Variants in PHACTR1 observed in about 807,000 individuals in gnomAD.
The protein encoded by PHACTR1 is RPEL repeat containing 1.
Under a neutral mutation model 69.2 loss-of-function variants are expected in PHACTR1, and 16 were observed. That is an observed-to-expected ratio of 0.23 (90% CI 0.16 to 0.35). The LOEUF (loss-of-function observed/expected upper bound fraction) is 0.35, where lower values mean the gene tolerates loss of function less well. PHACTR1 is among the 10% of genes least tolerant of loss of function. PHACTR1 has a pLI of 1.00. For synonymous variants in PHACTR1, 312 were observed against 284.5 expected (o/e 1.10, Z -0.97); for missense variants, 510 against 734.7 (o/e 0.69, Z 3.54).
chr6:12,929,505 C>T (rs190724747), intron 4 of PHACTR1, among the ~76,000 whole-genome samples: 310 of 152,310 alleles, frequency 2.0e-3, no homozygotes, highest in Non-Finnish European at 2.5e-3. Flanking sequence ...ATGTTATCCT[C>T]AGATGATGCA....
chr6:13,201,163 G>A (rs6906831), intron 7 of PHACTR1, among the ~76,000 whole-genome samples: 4,313 of 152,188 alleles, frequency 0.028, 213 homozygotes, highest in African/African-American at 0.097. Flanking sequence ...TAGCTGGGAA[G>A]ACAGGGCTGA....
intron 4 of PHACTR1, among the ~76,000 whole-genome samples, chr6:12,916,518 T>C (rs1787020773): frequency 1.3e-5 from 2 of 151,272 alleles, no homozygotes; most frequent in Non-Finnish European, 2.9e-5. Context: ...TGTCAGTGTT[T>C]ATACACTAGA....
intron 4 of PHACTR1, among the ~76,000 whole-genome samples, chr6:12,761,972 C>G (rs1768074317): frequency 6.6e-6 from 1 of 152,216 alleles, no homozygotes; most frequent in Admixed American, 6.5e-5. Context: ...CGCCACGCTG[C>G]CTTCCAGCAA....
At chr6:13,112,586 T>A (rs1817209595) in intron 5 of PHACTR1, among the ~76,000 whole-genome samples, 1 of 152,220 alleles carries the variant, frequency 6.6e-6, no homozygotes, top group Admixed American at 6.5e-5. Context: ...TGGTGTCAGA[T>A]GGTATCTCAT....
At chr6:12,768,013 T>G (rs1561863879) in intron 4 of PHACTR1, among the ~76,000 whole-genome samples, 1 of 151,960 alleles carries the variant, frequency 6.6e-6, no homozygotes, top group African/African-American at 2.4e-5. Context: ...GTTTGTCAAC[T>G]GGGAATTAGA....
rs1384890941 is a variant in PHACTR1, at chr6:12,770,920, GGA to G, written c.250+21136_250+21137del. 2.0e-5 allele frequency among the ~76,000 whole-genome samples: 3 copies of G among 152,330 alleles called. No homozygotes were observed. The South Asian group carries it at 6.2e-4, about 32-fold the overall frequency. On this transcript the variant is annotated intron_variant, in intron 4 of 14. Coordinates refer to ENST00000332995, the MANE Select transcript of PHACTR1 (RefSeq NM_030948.6). Reference sequence around the variant, plus strand: ...GAGCAGTTTCTCCCGGAAAGGCAGAGGAGAGAGTGTGTGTAAAGGCATGAGTG... The same window carrying G: ...GAGCAGTTTCTCCCGGAAAGGCAGAGGAGAGTGTGTGTAAAGGCATGAGTG...
intron 4 of PHACTR1, among the ~76,000 whole-genome samples, chr6:12,926,771 T>C (rs1458692182): frequency 6.6e-6 from 1 of 152,246 alleles, no homozygotes; most frequent in Non-Finnish European, 1.5e-5. Flanking sequence ...CTTACAAATA[T>C]CTAGCAGAGG....
chr6:12,871,616 T>C (rs1782035110), intron 4 of PHACTR1, among the ~76,000 whole-genome samples: 1 of 152,132 alleles, frequency 6.6e-6, no homozygotes, highest in Admixed American at 6.6e-5. Context: ...TCAGGTTCAG[T>C]TCTTTGCCAA....
At chr6:13,133,885 G>A (rs1821013739) in intron 5 of PHACTR1, among the ~76,000 whole-genome samples, 1 of 151,626 alleles carries the variant, frequency 6.6e-6, no homozygotes, top group Non-Finnish European at 1.5e-5. Flanking sequence ...CGTCTAGGAA[G>A]TGAGGAGTGT....
chr6:12,892,392 TC>T (rs1784248072), intron 4 of PHACTR1, among the ~76,000 whole-genome samples: 1 of 152,174 alleles, frequency 6.6e-6, no homozygotes, highest in African/African-American at 2.4e-5. Context: ...GGATAGTGGC[TC>T]TTCAGACCTG....
At chr6:13,114,745 G>A (rs1206353868) in intron 5 of PHACTR1, among the ~76,000 whole-genome samples, 1 of 152,132 alleles carries the variant, frequency 6.6e-6, no homozygotes, top group East Asian at 1.9e-4. Flanking sequence ...CAGCTCAACA[G>A]CATACACTAC....
rs116189771 is a variant in PHACTR1 at position 12,760,474 on chromosome 6, A to G, written c.250+10684A>G. On this transcript the variant is annotated intron_variant, in intron 4 of 14. Coordinates refer to ENST00000332995, the MANE Select transcript of PHACTR1 (RefSeq NM_030948.6). ...AGAAAGACCTACTGGAAATTCCAAT[A>G]GTCCTCTGAACTTAGAGGAAGTGTT... is the stretch of plus-strand genomic sequence containing the variant. Among the ~76,000 whole-genome samples, 204 of 152,350 alleles carry G rather than the reference A, an allele frequency of 1.3e-3. 3 individuals are homozygous for G. The highest frequency in any genetic ancestry group is 3.4e-3 in the Middle Eastern group (1 of 294).
chr6:13,020,778 G>C (rs1050533613), intron 4 of PHACTR1, among the ~76,000 whole-genome samples: 2 of 152,186 alleles, frequency 1.3e-5, no homozygotes, highest in African/African-American at 4.8e-5. Context: ...TTCAGTACAT[G>C]AATGTACATG....
chr6:13,028,087 G>A (rs989763078), intron 4 of PHACTR1, among the ~76,000 whole-genome samples: 1 of 152,134 alleles, frequency 6.6e-6, no homozygotes, highest in Admixed American at 6.5e-5. Context: ...CTAAGAACAG[G>A]GTATAGATGC....
chr6:12,926,723 A>T (rs941525115), intron 4 of PHACTR1, among the ~76,000 whole-genome samples: 2 of 152,204 alleles, frequency 1.3e-5, no homozygotes, highest in Non-Finnish European at 2.9e-5. Context: ...GGATTTATAG[A>T]GTGACTTTCT....
intron 3 of PHACTR1, among the ~76,000 whole-genome samples, chr6:12,727,578 T>G (rs765294009): frequency 1.3e-5 from 2 of 152,154 alleles, no homozygotes; most frequent in Non-Finnish European, 2.9e-5. Context: ...AATGAACTAA[T>G]TTCAATCAAT....
intron 4 of PHACTR1, among the ~76,000 whole-genome samples, chr6:12,827,499 GA>G (rs1041013306): frequency 5.9e-5 from 9 of 152,204 alleles, no homozygotes; most frequent in African/African-American, 2.2e-4. Flanking sequence ...CCATGTGAAT[GA>G]AAGCCTGTGT....
chr6:12,969,279 G>T (rs1327862805), intron 4 of PHACTR1, among the ~76,000 whole-genome samples: 2 of 152,158 alleles, frequency 1.3e-5, no homozygotes, highest in Non-Finnish European at 2.9e-5. Flanking sequence ...CTGAGTATTG[G>T]ATTGCAGGGA....
chr6:13,211,979 G>A (rs771466876), intron 8 of PHACTR1, among the ~76,000 whole-genome samples: 19 of 152,284 alleles, frequency 1.2e-4, no homozygotes, highest in South Asian at 4.1e-4. Flanking sequence ...AGTTCTGGAC[G>A]CTAGAAGTCC....
Sources: allele counts gnomAD v4.1 joint callset (sites outside exome capture counted in the v4.1 genomes callset), GRCh38; gene constraint gnomAD v4.1.1; transcripts MANE v1.5; gene names NCBI Gene and HGNC (gene_info 2026-07-23, HGNC 2026-07-21).